The following GPR141 variants were observed in gnomAD, a reference collection of about 807,000 sequenced individuals.
GPR141 encodes the protein G protein-coupled receptor 141.
A neutral mutation model predicts 6.8 loss-of-function variants in GPR141; 6 were observed. That is an observed-to-expected ratio of 0.88 (90% CI 0.48 to 1.74). The LOEUF is 1.74. GPR141 is among the 40% of genes most tolerant of loss of function. GPR141 has a pLI of 0.01. For missense variants in GPR141, 372 were observed against 372.9 expected (o/e 1.00, Z 0.02); for synonymous variants, 140 against 142.3 (o/e 0.98, Z 0.11).
intron 2 of GPR141, among the ~76,000 whole-genome samples, chr7:37,722,580 A>G (rs1811389702): frequency 1.3e-5 from 2 of 151,478 alleles, no homozygotes; most frequent in Middle Eastern, 3.4e-3. Context: ...AAATTAGCTG[A>G]GCATGGTTGC....
chr7:37,698,521 C>CA (rs1481234331), intron 2 of GPR141, among the ~76,000 whole-genome samples: 2 of 152,148 alleles, frequency 1.3e-5, no homozygotes, highest in Non-Finnish European at 2.9e-5. Context: ...GTATTAGAAA[C>CA]AGTCTGTGGA....
intron 2 of GPR141, among the ~76,000 whole-genome samples, chr7:37,700,246 G>A (rs1297552544): frequency 6.6e-6 from 1 of 152,314 alleles, no homozygotes; most frequent in East Asian, 1.9e-4. Context: ...AGTGCAGAGT[G>A]TATTTTGTTA....
intron 2 of GPR141, chr7:37,713,372 A>T (rs1810898350): frequency 6.6e-6 from 1 of 152,102 alleles, no homozygotes; most frequent in African/African-American, 2.4e-5. Context: ...GGCTGGTCTC[A>T]AACTCCTGGG....
At chr7:37,709,682 A>G (rs1421732576) in intron 2 of GPR141, 3 of 152,220 alleles carry the variant, frequency 2.0e-5, no homozygotes, top group East Asian at 1.9e-4. Context: ...TTCACTTTGC[A>G]TGGTCACTTT....
chr7:37,734,432 T>C (rs1812133327), intron 2 of GPR141, among the ~76,000 whole-genome samples: 1 of 152,192 alleles, frequency 6.6e-6, no homozygotes, highest in African/African-American at 2.4e-5. Context: ...TTCCACTTCA[T>C]ATTTAGAGAC....
intron 1 of GPR141, among the ~76,000 whole-genome samples, chr7:37,684,938 C>T (rs1257180376): frequency 6.6e-6 from 1 of 152,150 alleles, no homozygotes; most frequent in Non-Finnish European, 1.5e-5. Context: ...TAATTGGCTG[C>T]ATAATTTGGG....
At chr7:37,701,522 G>A (rs1810277247) in intron 2 of GPR141, among the ~76,000 whole-genome samples, 3 of 152,158 alleles carry the variant, frequency 2.0e-5, no homozygotes, top group South Asian at 4.1e-4. Flanking sequence ...TTGAATTTCA[G>A]ATTAATGGTA....
chr7:37,734,379 C>T (rs1291189767), intron 2 of GPR141, among the ~76,000 whole-genome samples: 3 of 152,184 alleles, frequency 2.0e-5, no homozygotes, highest in Admixed American at 6.5e-5. Flanking sequence ...ATTGAAGTAA[C>T]GCATTGTTCT....
At chr7:37,733,238 G>A (rs1353136949) in intron 2 of GPR141, among the ~76,000 whole-genome samples, 2 of 152,174 alleles carry the variant, frequency 1.3e-5, no homozygotes, top group Non-Finnish European at 2.9e-5. Context: ...GCCTGGCAAG[G>A]AATGTTATTA....
chr7:37,735,084 G>A (rs957755871), intron 2 of GPR141, among the ~76,000 whole-genome samples: 1 of 152,160 alleles, frequency 6.6e-6, no homozygotes, highest in Non-Finnish European at 1.5e-5. Context: ...AATTGCGTTA[G>A]CTTCTGCATC....
chr7:37,737,692 C>G (rs1358772922), intron 2 of GPR141, among the ~76,000 whole-genome samples: 1 of 152,050 alleles, frequency 6.6e-6, no homozygotes, highest in African/African-American at 2.4e-5. Context: ...TTAGACACCT[C>G]TGGTCTAATC....
chr7:37,713,249 T>TTATC (rs1319826501), intron 2 of GPR141: 32 of 152,344 alleles, frequency 2.1e-4, no homozygotes, highest in Admixed American at 5.9e-4. Flanking sequence ...ATACCATGTG[T>TTATC]TATCAATTAA....
intron 2 of GPR141, among the ~76,000 whole-genome samples, chr7:37,702,452 G>A (rs931541900): frequency 7.3e-5 from 11 of 150,638 alleles, no homozygotes; most frequent in Admixed American, 6.6e-4. Context: ...TTACTAGTTC[G>A]GAAGATATAC....
At chr7:37,710,498 C>T (rs1322711475) in intron 2 of GPR141, among the ~76,000 whole-genome samples, 2 of 152,164 alleles carry the variant, frequency 1.3e-5, no homozygotes, top group Non-Finnish European at 2.9e-5. Flanking sequence ...AACCTATCAT[C>T]TTGCCCAAAA....
At chr7:37,720,607 G>A (rs190662301) in intron 2 of GPR141, among the ~76,000 whole-genome samples, 1 of 152,044 alleles carries the variant, frequency 6.6e-6, no homozygotes, top group African/African-American at 2.4e-5. Context: ...CAGGGGTGGT[G>A]GTGGGCACCT....
At chr7:37,731,040 G>T (rs1409935491) in intron 2 of GPR141, among the ~76,000 whole-genome samples, 1 of 152,188 alleles carries the variant, frequency 6.6e-6, no homozygotes, top group East Asian at 1.9e-4. Context: ...TGGCTGAATT[G>T]ATGTTGCTAT....
At chr7:37,733,101 C>T (rs922662806) in intron 2 of GPR141, among the ~76,000 whole-genome samples, 1 of 152,062 alleles carries the variant, frequency 6.6e-6, no homozygotes, top group Non-Finnish European at 1.5e-5. Context: ...GGTGACAAGT[C>T]AAGAATGAGT....
chr7:37,692,131 C>T (rs367612518), intron 2 of GPR141, among the ~76,000 whole-genome samples: 26 of 152,122 alleles, frequency 1.7e-4, no homozygotes, highest in South Asian at 6.2e-4. Flanking sequence ...TTTCTCCTAA[C>T]GCTATCCCTC....
At chr7:37,695,698 A>G (rs1809985755) in intron 2 of GPR141, among the ~76,000 whole-genome samples, 1 of 151,934 alleles carries the variant, frequency 6.6e-6, no homozygotes, top group Non-Finnish European at 1.5e-5. Flanking sequence ...AAATGTAGTT[A>G]TTTATTCATT....
Sources: gnomAD v4.1 joint callset for allele counts (sites outside exome capture counted in the v4.1 genomes callset) on GRCh38, gnomAD v4.1.1 for gene constraint, MANE v1.5 for transcripts, NCBI Gene and HGNC (gene_info 2026-07-23, HGNC 2026-07-21) for gene names.